The following SYNPR variants were observed in gnomAD, a reference collection of about 807,000 sequenced individuals.
SYNPR encodes synaptoporin.
A neutral mutation model predicts 32.9 loss-of-function variants in SYNPR; 23 were observed. The ratio of observed to expected loss-of-function variants is 0.70; its 90% CI spans 0.50 to 0.99. SYNPR has a LOEUF of 0.99. Among genes scored for constraint, SYNPR ranks in the 50% least tolerant of loss-of-function variants. The pLI, the probability that SYNPR is intolerant of heterozygous loss-of-function variation, is 0.00. For synonymous variants in SYNPR, 146 were observed against 135.9 expected (o/e 1.07, Z -0.52); for missense variants, 318 against 349.3 (o/e 0.91, Z 0.71).
At chr3:63,348,513 G>A (rs1370730616) in intron 2 of SYNPR, among the ~76,000 whole-genome samples, 3 of 152,084 alleles carry the variant, frequency 2.0e-5, no homozygotes, top group African/African-American at 7.2e-5. Context: ...TTCTTTTGCT[G>A]TGAAGCAGCT....
rs370244005 is a variant in SYNPR, at chr3:63,455,756, G to GGTGTGT, written c.85-25050_85-25045dup. Among the ~76,000 whole-genome samples, 442 of 144,326 alleles carry GGTGTGT rather than the reference G, an allele frequency of 3.1e-3. 1 individual carries two copies. Among genetic ancestry groups the GGTGTGT allele is most frequent in the African/African-American group, 9.8e-3 (378 of 38,634 alleles). The allele number at this position is 144,326 out of a possible 152,430, so 94.7% of individuals were successfully genotyped here. The stretch of plus-strand genomic sequence containing the variant: ...TGCTTCTGTACATAGTCATGTTTGG[G>GGTGTGT]GTGTGTGTGTGTGTGTGTGTGTGTG... On this transcript the variant is annotated intron_variant, in intron 2 of 5. Transcript: ENST00000478300.
chr3:63,252,308 A>G (rs998102463), intron 1 of SYNPR, among the ~76,000 whole-genome samples: 5 of 152,172 alleles, frequency 3.3e-5, no homozygotes, highest in Non-Finnish European at 7.4e-5. Context: ...TATTCCTTTT[A>G]TAATACATAA....
chr3:63,509,290 A>G (rs1318837629), intron 3 of SYNPR, among the ~76,000 whole-genome samples: 3 of 147,626 alleles, frequency 2.0e-5, no homozygotes, highest in South Asian at 2.1e-4. Context: ...ATGTGTGTGT[A>G]TATATATATA....
intron 2 of SYNPR, among the ~76,000 whole-genome samples, chr3:63,292,825 C>G (rs1468232433): frequency 6.6e-6 from 1 of 152,108 alleles, no homozygotes; most frequent in Non-Finnish European, 1.5e-5. Context: ...GTTCTTTGTA[C>G]TAAAGGTCAT....
At chr3:63,481,131 G>T (rs531265505) in intron 3 of SYNPR, among the ~76,000 whole-genome samples, 175 bp downstream of exon 3, 1 of 152,022 alleles carries the variant, frequency 6.6e-6, no homozygotes, top group African/African-American at 2.4e-5. Context: ...GTGGGCACTG[G>T]GAGGATTTAT....
intron 2 of SYNPR, among the ~76,000 whole-genome samples, chr3:63,257,028 A>G (rs1575577863): frequency 6.6e-6 from 1 of 152,204 alleles, no homozygotes; most frequent in Non-Finnish European, 1.5e-5. Flanking sequence ...AAAAAAGAAT[A>G]AAAAGAAATG....
At chr3:63,565,179 A>G (rs1227688559) in intron 4 of SYNPR, among the ~76,000 whole-genome samples, 1 of 152,180 alleles carries the variant, frequency 6.6e-6, no homozygotes, top group Non-Finnish European at 1.5e-5. Flanking sequence ...TTTCTCAGAC[A>G]GACCAGGGGT....
At chr3:63,466,365 CT>C (rs1700678779) in intron 2 of SYNPR, among the ~76,000 whole-genome samples, 1 of 152,002 alleles carries the variant, frequency 6.6e-6, no homozygotes, top group Non-Finnish European at 1.5e-5. Context: ...TGATTTCATT[CT>C]TGCGGTGTCA....
chr3:63,462,694 G>A (rs1023802035), intron 2 of SYNPR, among the ~76,000 whole-genome samples: 1 of 152,094 alleles, frequency 6.6e-6, no homozygotes, highest in Non-Finnish European at 1.5e-5. Context: ...TTATCTCTTT[G>A]GAATGATGAT....
intron 3 of SYNPR, among the ~76,000 whole-genome samples, chr3:63,553,322 T>G (rs1304841117): frequency 6.6e-6 from 1 of 152,230 alleles, no homozygotes; most frequent in East Asian, 1.9e-4. Context: ...TGCCACATTT[T>G]CTCTATGTAA....
chr3:63,356,290 G>A (rs1393332903), intron 2 of SYNPR, among the ~76,000 whole-genome samples: 1 of 152,194 alleles, frequency 6.6e-6, no homozygotes, highest in African/African-American at 2.4e-5. Flanking sequence ...GGGATCAGAA[G>A]GCATCAAGAA....
chr3:63,449,802 T>C (rs1392630528), intron 2 of SYNPR, among the ~76,000 whole-genome samples: 1 of 152,200 alleles, frequency 6.6e-6, no homozygotes, highest in Non-Finnish European at 1.5e-5. Flanking sequence ...TTTACCACAT[T>C]TGTGTAGCTT....
chr3:63,525,018 G>A (rs1021424718), intron 3 of SYNPR, among the ~76,000 whole-genome samples: 1 of 152,054 alleles, frequency 6.6e-6, no homozygotes, highest in Non-Finnish European at 1.5e-5. Context: ...CTGTGTCTAT[G>A]TGACCATAGC....
intron 2 of SYNPR, among the ~76,000 whole-genome samples, chr3:63,281,399 A>G (rs922152207): frequency 6.6e-6 from 1 of 152,222 alleles, no homozygotes; most frequent in African/African-American, 2.4e-5. Flanking sequence ...AGATATATGT[A>G]TCTTAGTTTT....
intron 3 of SYNPR, among the ~76,000 whole-genome samples, chr3:63,548,701 C>T (rs368948530): frequency 4.6e-5 from 7 of 152,208 alleles, no homozygotes; most frequent in East Asian, 3.9e-4. Flanking sequence ...AAAGAGAAAA[C>T]GTACTCAGCA....
chr3:63,572,030 A>C (rs1291200314), intron 4 of SYNPR, among the ~76,000 whole-genome samples: 1 of 152,228 alleles, frequency 6.6e-6, no homozygotes, highest in Non-Finnish European at 1.5e-5. Context: ...TCCAAGCTCC[A>C]ATGTGTGTGT....
intron 4 of SYNPR, among the ~76,000 whole-genome samples, chr3:63,571,421 C>A (rs990881260): frequency 1.3e-5 from 2 of 152,012 alleles, no homozygotes; most frequent in Non-Finnish European, 2.9e-5. Context: ...TATAAACTTC[C>A]AAAACATCCT....
intron 4 of SYNPR, among the ~76,000 whole-genome samples, chr3:63,567,815 T>A (rs1266737205): frequency 6.6e-6 from 1 of 152,146 alleles, no homozygotes; most frequent in Non-Finnish European, 1.5e-5. Context: ...GGCCAAGGAG[T>A]GATCGCACCT....
At chr3:63,338,067 C>T (rs1321553836) in intron 2 of SYNPR, among the ~76,000 whole-genome samples, 1 of 152,048 alleles carries the variant, frequency 6.6e-6, no homozygotes, top group Non-Finnish European at 1.5e-5. Flanking sequence ...ATATACCAAA[C>T]CAATGGAAGA....
Sources: gnomAD v4.1 joint callset for allele counts (sites outside exome capture counted in the v4.1 genomes callset) on GRCh38, gnomAD v4.1.1 for gene constraint, MANE v1.5 for transcripts, NCBI Gene and HGNC (gene_info 2026-07-23, HGNC 2026-07-21) for gene names.